PCDHGA12: variants seen among roughly 807,000 people sequenced by gnomAD.
The protein encoded by PCDHGA12 is protocadherin gamma subfamily A, 12.
PCDHGA12 carries 43 observed loss-of-function variants against 61.1 expected under a neutral mutation model. The observed-to-expected ratio is 0.70, with a 90% CI of 0.55 to 0.91. PCDHGA12 has a LOEUF of 0.91. Among genes scored for constraint, PCDHGA12 ranks in the 40% least tolerant of loss-of-function variants. The pLI, the probability that PCDHGA12 is intolerant of heterozygous loss-of-function variation, is 0.00. For missense variants in PCDHGA12, 1,236 were observed against 1,227.7 expected, an observed-to-expected ratio of 1.01 and a Z score of -0.10; for synonymous variants, 520 against 542.9, an observed-to-expected ratio of 0.96 and a Z score of 0.59.
intron 2 of PCDHGA12, among the ~76,000 whole-genome samples, chr5:141,497,552 T>C (rs2099777669): frequency 6.6e-6 from 1 of 151,386 alleles, no homozygotes; most frequent in Non-Finnish European, 1.5e-5. Context: ...TTTTTTTTTT[T>C]TTTTTTAGAC....
chr5:141,450,669 T>C (rs2098689726), intron 1 of PCDHGA12, among the ~76,000 whole-genome samples: 1 of 151,904 alleles, frequency 6.6e-6, no homozygotes, highest in Admixed American at 6.6e-5. Context: ...GTACTTTTAG[T>C]AGAAACGGGG....
chr5:141,473,974 C>G (rs958240236), intron 1 of PCDHGA12, among the ~76,000 whole-genome samples: 33 of 152,054 alleles, frequency 2.2e-4, no homozygotes, highest in Admixed American at 2.2e-3. Context: ...AAGTCTGAGG[C>G]GGGAGGATCC....
intron 2 of PCDHGA12, among the ~76,000 whole-genome samples, chr5:141,503,688 T>A (rs2099828724): frequency 6.6e-6 from 1 of 152,042 alleles, no homozygotes; most frequent in African/African-American, 2.4e-5. Context: ...GGAAGGAGAA[T>A]TGAGATTCCT....
chr5:141,470,023 G>A (rs1258101057), intron 1 of PCDHGA12, among the ~76,000 whole-genome samples: 1 of 152,110 alleles, frequency 6.6e-6, no homozygotes, highest in Admixed American at 6.6e-5. Context: ...CAGCTACTCG[G>A]GATGCTGAGG....
intron 1 of PCDHGA12, among the ~76,000 whole-genome samples, chr5:141,473,090 T>C (rs1426311051): frequency 3.9e-5 from 6 of 152,064 alleles, no homozygotes; most frequent in African/African-American, 1.4e-4. Context: ...TTATCCACTG[T>C]GAGTTGTATT....
intron 1 of PCDHGA12, among the ~76,000 whole-genome samples, chr5:141,448,831 G>C (rs985602153): frequency 4.6e-5 from 7 of 152,096 alleles, no homozygotes; most frequent in Non-Finnish European, 7.4e-5. Flanking sequence ...TGTAGTCCCA[G>C]CTACTCTGGA....
chr5:141,489,060 TC>T lies in PCDHGA12; in HGVS notation c.2425-5741del, dbSNP rs1037208652. 41 of 300,146 alleles carry T rather than the reference TC, an allele frequency of 1.4e-4. No individual in the cohort carries two copies. The highest frequency in any genetic ancestry group is 2.3e-4 in the Non-Finnish European group (38 of 162,914). The allele number at this position is 300,146 out of a possible 1,614,324, so 18.6% of individuals were successfully genotyped here. A position where few individuals can be genotyped will look rare whatever the true frequency, so the allele number is the denominator to read the frequency against. On this transcript the variant is annotated intron_variant, in intron 1 of 3. Coordinates refer to ENST00000252085, the MANE Select transcript of PCDHGA12 (RefSeq NM_003735.3). This position sits in a 1 kb window ranked among gnomAD's most constrained non-coding sequence, Gnocchi z 4.5. ...CAGCTCCACTCAAATTCAGCTCCCC[TC>T]CCCCCTGCCCACCCCCGCCACTCGG...
At chr5:141,467,005 G>A (rs1365805332) in intron 1 of PCDHGA12, among the ~76,000 whole-genome samples, 3 of 150,724 alleles carry the variant, frequency 2.0e-5, no homozygotes, top group Non-Finnish European at 4.4e-5. Flanking sequence ...TTTTTGCAAT[G>A]CAATTTTTTT....
rs200625256 is a variant in PCDHGA12 at position 141,477,009 on chromosome 5, A to G, written c.2425-17798A>G. 7.5e-5 allele frequency: 121 copies of G among 1,614,064 alleles called. No homozygotes were observed. Among genetic ancestry groups the G allele is most frequent in the Non-Finnish European group, 9.2e-5 (109 of 1,180,028 alleles). On this transcript the variant is annotated intron_variant, in intron 1 of 3. Transcript: ENST00000252085. This position sits in a 1 kb window ranked among gnomAD's most constrained non-coding sequence, Gnocchi z 4.9. The stretch of plus-strand genomic sequence containing the variant: ...GGCGTGCGGCAACTATTCGCCTTAG[A>G]CCTTGTAACCGGGATGCTGACAATC...
chr5:141,448,974 C>T (rs937711828), intron 1 of PCDHGA12, among the ~76,000 whole-genome samples: 5 of 151,994 alleles, frequency 3.3e-5, no homozygotes, highest in African/African-American at 1.2e-4. Context: ...CAAAAAAGAA[C>T]TTCCATATTA....
intron 2 of PCDHGA12, among the ~76,000 whole-genome samples, chr5:141,498,004 G>C (rs1385457484): frequency 6.6e-6 from 1 of 152,316 alleles, no homozygotes; most frequent in African/African-American, 2.4e-5. Flanking sequence ...GGAGTTTACA[G>C]TGCACTGAAG....
At chr5:141,478,493 G>A in intron 1 of PCDHGA12, 1 of 1,613,176 alleles carries the variant, frequency 6.2e-7, no homozygotes, top group Non-Finnish European at 8.5e-7. Flanking sequence ...GCGGAGCTGT[G>A]ATCCGGTGTT....
chr5:141,472,009 G>A (rs917861040), intron 1 of PCDHGA12, among the ~76,000 whole-genome samples: 11 of 152,074 alleles, frequency 7.2e-5, no homozygotes, highest in African/African-American at 2.7e-4. Flanking sequence ...TCGTATAGGG[G>A]CACTATATTG....
chr5:141,462,268 A>C (rs982301403), intron 1 of PCDHGA12, among the ~76,000 whole-genome samples: 3 of 152,196 alleles, frequency 2.0e-5, no homozygotes, highest in African/African-American at 7.2e-5. Flanking sequence ...CCTAAAGTGT[A>C]TTGTTTAGTC....
chr5:141,473,680 C>T (rs888876529), intron 1 of PCDHGA12, among the ~76,000 whole-genome samples: 3 of 152,100 alleles, frequency 2.0e-5, no homozygotes, highest in Non-Finnish European at 2.9e-5. Flanking sequence ...CAGGGAAGGG[C>T]TGGGGTTCTG....
Position 141,486,390 on chromosome 5 carries a change from C to T in PCDHGA12, c.2425-8417C>T. 6.2e-7 allele frequency: 1 copy of T among 1,614,138 alleles called. No homozygotes were observed. The highest frequency in any genetic ancestry group is 1.1e-5 in the South Asian group (1 of 91,084). On this transcript the variant is annotated intron_variant, in intron 1 of 3. Coordinates refer to ENST00000252085, the MANE Select transcript of PCDHGA12 (RefSeq NM_003735.3). This position sits in a 1 kb window ranked among gnomAD's most constrained non-coding sequence, Gnocchi z 5.0. ...AAGTCTGCCTTCAGGAACCAGTTCTCCCTGGTGACTGCTGGACCCTTGGAT... is the reference window on the plus strand; with the variant it reads ...AAGTCTGCCTTCAGGAACCAGTTCTTCCTGGTGACTGCTGGACCCTTGGAT...
intron 2 of PCDHGA12, among the ~76,000 whole-genome samples, chr5:141,505,026 G>A (rs190826538): frequency 4.6e-5 from 7 of 152,316 alleles, no homozygotes; most frequent in African/African-American, 1.7e-4. Context: ...GCCTGGCACA[G>A]TGGCAGGTGC....
At chr5:141,488,198 G>C (rs1007623840) in intron 1 of PCDHGA12, among the ~76,000 whole-genome samples, 1 of 152,166 alleles carries the variant, frequency 6.6e-6, no homozygotes, top group Non-Finnish European at 1.5e-5. Flanking sequence ...CTGGGTCTTA[G>C]GACTCATATC....
chr5:141,476,601 C>A lies in PCDHGA12; in HGVS notation c.2425-18206C>A. On this transcript the variant is annotated intron_variant, in intron 1 of 3. Coordinates refer to ENST00000252085, the MANE Select transcript of PCDHGA12 (RefSeq NM_003735.3). The surrounding 1 kb of genome is among the most constrained non-coding windows in gnomAD (Gnocchi z 7.6). ...TTTCCGCTCGAGAGCGCGCACGATC[C>A]CGATGTGGGAAGCAACTCTTTACAA... The A allele has an allele frequency of 6.2e-7, 1 of 1,614,228 alleles. No homozygotes were observed. The highest frequency in any genetic ancestry group is 2.2e-5 in the East Asian group (1 of 44,878).
Sources: gnomAD v4.1 joint callset for allele counts (sites outside exome capture counted in the v4.1 genomes callset) on GRCh38, gnomAD v4.1.1 for gene constraint, Gnocchi (gnomAD v3.1) non-coding constraint, MANE v1.5 for transcripts, NCBI Gene and HGNC (gene_info 2026-07-23, HGNC 2026-07-21) for gene names.